The following NOL4 variants were observed in gnomAD, a reference collection of about 807,000 sequenced individuals.
NOL4 encodes nucleolar protein 4.
NOL4 carries 17 observed loss-of-function variants against 75.9 expected under a neutral mutation model. The observed-to-expected ratio is 0.22, with a 90% CI of 0.15 to 0.34. The LOEUF (loss-of-function observed/expected upper bound fraction) is 0.34, where lower values mean the gene tolerates loss of function less well. Ranked by LOEUF, NOL4 falls within the 10% of genes least tolerant of loss-of-function variation. NOL4 has a pLI of 1.00. For synonymous variants in NOL4, 292 were observed against 289.9 expected (o/e 1.01, Z -0.07); for missense variants, 614 against 793.5 (o/e 0.77, Z 2.72).
chr18:33,894,831 G>GA (rs2065302010), intron 9 of NOL4, among the ~76,000 whole-genome samples: 1 of 152,090 alleles, frequency 6.6e-6, no homozygotes, highest in Non-Finnish European at 1.5e-5. Context: ...CCAGTGTGGG[G>GA]AGACATGGAA....
At chr18:34,086,750 A>G (rs991460295) in intron 5 of NOL4, among the ~76,000 whole-genome samples, 2 of 152,120 alleles carry the variant, frequency 1.3e-5, no homozygotes, top group African/African-American at 4.8e-5. Flanking sequence ...GGAGTATTTC[A>G]TGTGTGTTTG....
intron 9 of NOL4, among the ~76,000 whole-genome samples, chr18:33,937,478 T>A (rs2068134765): frequency 6.6e-6 from 1 of 152,114 alleles, no homozygotes; most frequent in South Asian, 2.1e-4. Flanking sequence ...CAATTTTGAG[T>A]GTTCATGTTT....
In NOL4 at chr18:34,129,425, T is replaced by G. The variant is rs112991721; in HGVS notation, c.414+446A>C. Among the ~76,000 whole-genome samples, 682 of 151,832 alleles carry G rather than the reference T, an allele frequency of 4.5e-3. 6 individuals carry two copies. Among genetic ancestry groups the G allele is most frequent in the African/African-American group, 0.015 (639 of 41,486 alleles). On this transcript the variant is annotated intron_variant, in intron 2 of 10. Coordinates refer to ENST00000261592, the MANE Select transcript of NOL4 (RefSeq NM_003787.5). ...GACATAAGAAAAGTACATAAAATAT[T>G]CCTCATGACTTTATTATTACTATGA...
intron 1 of NOL4, among the ~76,000 whole-genome samples, chr18:34,154,650 G>A (rs950859746): frequency 1.3e-5 from 2 of 151,422 alleles, no homozygotes; most frequent in Non-Finnish European, 2.9e-5. Context: ...GGTTTCATTC[G>A]TGTTTTTTTT....
chr18:34,008,799 T>C lies in NOL4; in HGVS notation c.1056+10519A>G, dbSNP rs886780387. Among the ~76,000 whole-genome samples, 18 of 152,118 alleles carry C rather than the reference T, an allele frequency of 1.2e-4. No homozygotes were observed. The South Asian group carries it at 1.4e-3, about 12-fold the overall frequency. On this transcript the variant is annotated intron_variant, in intron 6 of 10. Coordinates refer to ENST00000261592, the MANE Select transcript of NOL4 (RefSeq NM_003787.5). ...ACCTTGCCTGAAAGAGAAAAGACTC[T>C]ATTCCAAATTAAGGCTAAAGTCAGC...
chr18:34,214,342 G>A (rs2036728866), intron 1 of NOL4, among the ~76,000 whole-genome samples: 1 of 148,004 alleles, frequency 6.8e-6, no homozygotes, highest in Non-Finnish European at 1.5e-5. Context: ...TTGGTAGAGT[G>A]TTATATAGAT....
At chr18:34,219,776 T>G (rs1422569900) in intron 1 of NOL4, among the ~76,000 whole-genome samples, 2 of 152,260 alleles carry the variant, frequency 1.3e-5, no homozygotes, top group Non-Finnish European at 2.9e-5. Context: ...GATGGGTTGC[T>G]CAACAAACTG....
chr18:34,021,251 G>T (rs2144483919), intron 5 of NOL4, among the ~76,000 whole-genome samples: 1 of 152,262 alleles, frequency 6.6e-6, no homozygotes, highest in South Asian at 2.1e-4. Context: ...TCTAATACAA[G>T]GGATAAAGAC....
At chr18:34,067,692 C>T (rs941970332) in intron 5 of NOL4, among the ~76,000 whole-genome samples, 1 of 152,046 alleles carries the variant, frequency 6.6e-6, no homozygotes, top group Non-Finnish European at 1.5e-5. Flanking sequence ...GTCTTTTGGT[C>T]GGAGCATCTG....
chr18:34,144,797 TA>T (rs1239205637), intron 1 of NOL4, among the ~76,000 whole-genome samples: 1 of 152,154 alleles, frequency 6.6e-6, no homozygotes, highest in Admixed American at 6.6e-5. Flanking sequence ...TTTATTACGA[TA>T]AAATCAAAGT....
intron 6 of NOL4, among the ~76,000 whole-genome samples, chr18:33,971,311 C>T (rs1229226733): frequency 2.6e-5 from 4 of 152,186 alleles, no homozygotes. Flanking sequence ...TGATTAGCAG[C>T]AACTCAAATG....
At chr18:34,222,110 T>C in intron 1 of NOL4, 2 of 1,534,728 alleles carry the variant, frequency 1.3e-6, no homozygotes, top group Non-Finnish European at 1.7e-6. Flanking sequence ...AAATCGACGC[T>C]GCTGCGGCTC....
chr18:34,143,708 T>A (rs1159646901), intron 1 of NOL4, among the ~76,000 whole-genome samples: 1 of 151,636 alleles, frequency 6.6e-6, no homozygotes, highest in East Asian at 1.9e-4. Flanking sequence ...CTGCTAAAGA[T>A]ACAAAAATTA....
chr18:33,886,937 T>G (rs2064739879), intron 9 of NOL4, among the ~76,000 whole-genome samples: 1 of 134,776 alleles, frequency 7.4e-6, no homozygotes, highest in African/African-American at 2.9e-5. Flanking sequence ...TCTATATATC[T>G]ATATATCTAG....
intron 1 of NOL4, among the ~76,000 whole-genome samples, chr18:34,165,295 A>G (rs1206291189): frequency 6.6e-6 from 1 of 152,172 alleles, no homozygotes; most frequent in Non-Finnish European, 1.5e-5. Flanking sequence ...TTAAAACCTC[A>G]GTTTACATCC....
chr18:34,066,627 GA>G (rs2145196761), intron 5 of NOL4, among the ~76,000 whole-genome samples: 1 of 150,450 alleles, frequency 6.6e-6, no homozygotes, highest in East Asian at 2.0e-4. Context: ...AACTGTCTAT[GA>G]AACAAAATAT....
In NOL4 at chr18:34,126,164, A is replaced by G. The variant is rs146319631; in HGVS notation, c.414+3707T>C. 2.3e-3 allele frequency among the ~76,000 whole-genome samples: 350 copies of G among 152,316 alleles called. 1 individual carries two copies. The highest frequency in any genetic ancestry group is 8.0e-3 in the African/African-American group (333 of 41,574). On this transcript the variant is annotated intron_variant, in intron 2 of 10. Coordinates refer to ENST00000261592, the MANE Select transcript of NOL4 (RefSeq NM_003787.5). Reference sequence around the variant, plus strand: ...AAGAAGGAGAGAAGTAACACCAATCACAAGTTTACTATATGCCGAGCACTT... The same window carrying G: ...AAGAAGGAGAGAAGTAACACCAATCGCAAGTTTACTATATGCCGAGCACTT...
chr18:34,088,809 T>G (rs923861225), intron 5 of NOL4, among the ~76,000 whole-genome samples: 3 of 152,140 alleles, frequency 2.0e-5, no homozygotes, highest in African/African-American at 7.2e-5. Context: ...AAGCATTTTT[T>G]GCCTTTATGT....
intron 5 of NOL4, among the ~76,000 whole-genome samples, chr18:34,033,316 C>A (rs2075733155): frequency 6.6e-6 from 1 of 151,782 alleles, no homozygotes; most frequent in East Asian, 1.9e-4. Context: ...TCAGAAAAAA[C>A]AATTCAGGAC....
Sources: gnomAD v4.1 joint callset for allele counts (sites outside exome capture counted in the v4.1 genomes callset) on GRCh38, gnomAD v4.1.1 for gene constraint, MANE v1.5 for transcripts, NCBI Gene and HGNC (gene_info 2026-07-23, HGNC 2026-07-21) for gene names.